The following NEGR1 variants were observed in gnomAD, a reference collection of about 807,000 sequenced individuals.
The protein encoded by NEGR1 is neuronal growth regulator 1.
A neutral mutation model predicts 40.9 loss-of-function variants in NEGR1; 10 were observed. The ratio of observed to expected loss-of-function variants is 0.24; its 90% CI spans 0.15 to 0.42. The LOEUF is 0.42. Ranked by LOEUF, NEGR1 falls within the 10% of genes least tolerant of loss-of-function variation. NEGR1 has a pLI of 1.00. For synonymous variants in NEGR1, 185 were observed against 166.8 expected, an observed-to-expected ratio of 1.11 and a Z score of -0.84; for missense variants, 352 against 438.9, an observed-to-expected ratio of 0.80 and a Z score of 1.77.
At chr1:72,173,499 GAA>G (rs1652042203) in intron 1 of NEGR1, among the ~76,000 whole-genome samples, 2 of 151,514 alleles carry the variant, frequency 1.3e-5, no homozygotes, top group Admixed American at 6.6e-5. Flanking sequence ...ATTTTTTAAA[GAA>G]AAAGTCTACA....
intron 3 of NEGR1, among the ~76,000 whole-genome samples, chr1:71,769,066 A>G (rs1214814460): frequency 2.3e-5 from 2 of 86,554 alleles, no homozygotes; most frequent in East Asian, 4.3e-4. Flanking sequence ...ATTTTTAACA[A>G]TAAAACTTTT....
chr1:71,912,452 G>A (rs912398708), intron 2 of NEGR1, among the ~76,000 whole-genome samples: 14 of 152,072 alleles, frequency 9.2e-5, no homozygotes, highest in Non-Finnish European at 1.5e-4. Context: ...CATTTCATCC[G>A]TAACCTTAAA....
chr1:71,968,712 CTA>C (rs1414905745), intron 1 of NEGR1, among the ~76,000 whole-genome samples: 1 of 152,128 alleles, frequency 6.6e-6, no homozygotes. Flanking sequence ...TAACTCTGAT[CTA>C]TTATTTTCTA....
chr1:71,503,794 T>C (rs1647014062), intron 6 of NEGR1, among the ~76,000 whole-genome samples: 1 of 151,902 alleles, frequency 6.6e-6, no homozygotes, highest in Non-Finnish European at 1.5e-5. Context: ...GCTGAAATGA[T>C]GTCTGTCATA....
chr1:71,703,938 T>C (rs181187878), intron 3 of NEGR1, among the ~76,000 whole-genome samples: 2 of 151,816 alleles, frequency 1.3e-5, no homozygotes, highest in Non-Finnish European at 2.9e-5. Context: ...AAAGCAAATA[T>C]AAGAGGTTAA....
intron 2 of NEGR1, among the ~76,000 whole-genome samples, chr1:71,933,203 T>C (rs1170475813): frequency 6.6e-6 from 1 of 152,018 alleles, no homozygotes; most frequent in Non-Finnish European, 1.5e-5. Flanking sequence ...GTAAGACATG[T>C]AGCAGTTTTA....
At chr1:72,228,971 G>A (rs1385508457) in intron 1 of NEGR1, among the ~76,000 whole-genome samples, 3 of 152,056 alleles carry the variant, frequency 2.0e-5, no homozygotes, top group Admixed American at 6.6e-5. Flanking sequence ...TTTTAAAAAT[G>A]TCAAAGAAGG....
At chr1:71,815,792 G>A (rs543467340) in intron 2 of NEGR1, among the ~76,000 whole-genome samples, 1 of 152,026 alleles carries the variant, frequency 6.6e-6, no homozygotes, top group Admixed American at 6.6e-5. Flanking sequence ...TGTGCTATTG[G>A]TAAAATCCAT....
intron 1 of NEGR1, among the ~76,000 whole-genome samples, chr1:72,200,531 G>A (rs575083171): frequency 7.9e-5 from 12 of 151,952 alleles, no homozygotes; most frequent in South Asian, 4.1e-4. Flanking sequence ...GGAAGGCTAC[G>A]TATTGAGCAC....
At chr1:71,556,927 C>G (rs559498431) in intron 6 of NEGR1, among the ~76,000 whole-genome samples, 1 of 151,562 alleles carries the variant, frequency 6.6e-6, no homozygotes, top group Admixed American at 6.6e-5. Flanking sequence ...AACACCTCAA[C>G]AGATGTAAAA....
chr1:71,956,053 T>C (rs1337969359), intron 1 of NEGR1, among the ~76,000 whole-genome samples: 6 of 152,206 alleles, frequency 3.9e-5, no homozygotes. Flanking sequence ...TTTAAGTACA[T>C]AAATAAATAT....
At chr1:71,781,659 C>G (rs1214167695) in intron 2 of NEGR1, among the ~76,000 whole-genome samples, 2 of 152,148 alleles carry the variant, frequency 1.3e-5, no homozygotes, top group African/African-American at 4.8e-5. Flanking sequence ...TATTCTGGCA[C>G]AAAAACCACC....
rs1475068167 is a variant in NEGR1 at position 71,402,986 on chromosome 1, G to A, written c.*4460C>T. On this transcript the variant is annotated 3_prime_UTR_variant, in exon 7 of 7. Transcript: ENST00000357731. Reference sequence around the variant, plus strand: ...ATTAGAACATTTCCAGTTTTTTTGTGGAGGGAGGGCTTTGGTGTATATAGA... The same window carrying A: ...ATTAGAACATTTCCAGTTTTTTTGTAGAGGGAGGGCTTTGGTGTATATAGA... 2 of 152,038 alleles carry A rather than the reference G, an allele frequency of 1.3e-5. No individual in the cohort carries two copies. The highest frequency in any genetic ancestry group is 1.3e-4 in the Admixed American group (2 of 15,266). 9.4% of individuals were successfully genotyped at this position (152,038 alleles called of 1,614,324 possible). A position where few individuals can be genotyped will look rare whatever the true frequency, so the allele number is the denominator to read the frequency against.
intron 1 of NEGR1, among the ~76,000 whole-genome samples, chr1:72,112,460 C>T (rs1156753396): frequency 6.0e-5 from 9 of 151,242 alleles, no homozygotes; most frequent in African/African-American, 2.2e-4. Context: ...TTTCTTCTTC[C>T]CACCATGTTT....
chr1:72,018,921 C>T (rs1293195030), intron 1 of NEGR1, among the ~76,000 whole-genome samples: 1 of 152,132 alleles, frequency 6.6e-6, no homozygotes, highest in African/African-American at 2.4e-5. Flanking sequence ...CCTCAGGCTG[C>T]TCTTCAGAGA....
chr1:71,615,097 T>A (rs996548829), intron 4 of NEGR1, among the ~76,000 whole-genome samples: 5 of 152,208 alleles, frequency 3.3e-5, no homozygotes, highest in African/African-American at 4.8e-5. Flanking sequence ...TATCCCTTTG[T>A]GGCTAAAATT....
At chr1:72,151,501 T>A (rs2100355936) in intron 1 of NEGR1, among the ~76,000 whole-genome samples, 1 of 151,628 alleles carries the variant, frequency 6.6e-6, no homozygotes, top group African/African-American at 2.4e-5. Flanking sequence ...CCCACATACA[T>A]ACACACATAT....
intron 6 of NEGR1, among the ~76,000 whole-genome samples, chr1:71,462,644 T>C (rs1169107471): frequency 6.6e-6 from 1 of 152,150 alleles, no homozygotes; most frequent in African/African-American, 2.4e-5. Context: ...TTAAGATGTG[T>C]TGAAAACAAT....
At chr1:71,831,695 G>C (rs1299107086) in intron 2 of NEGR1, among the ~76,000 whole-genome samples, 1 of 151,896 alleles carries the variant, frequency 6.6e-6, no homozygotes, top group Non-Finnish European at 1.5e-5. Context: ...CAAAGGATGT[G>C]AATATTGGCT....
Sources: allele counts gnomAD v4.1 joint callset (sites outside exome capture counted in the v4.1 genomes callset), GRCh38; gene constraint gnomAD v4.1.1; transcripts MANE v1.5; gene names NCBI Gene and HGNC (gene_info 2026-07-23, HGNC 2026-07-21).